Variants in HOOK2 observed in about 807,000 individuals in gnomAD.
HOOK2 encodes protein Hook homolog 2.
Under a neutral mutation model 111.9 loss-of-function variants are expected in HOOK2, and 108 were observed. That is an observed-to-expected ratio of 0.96 (90% confidence interval 0.83 to 1.13). HOOK2 has a LOEUF of 1.13. HOOK2 is among the 50% of genes most tolerant of loss of function. The pLI is 0.00. For synonymous variants in HOOK2, 405 were observed against 394.3 expected (o/e 1.03, Z -0.32); for missense variants, 978 against 951.3 (o/e 1.03, Z -0.37).
Position 12,771,448 on chromosome 19 carries a change from C to T in HOOK2, c.549G>A (p.Glu183=). ...GCTGTAATTCGTCCCCCTCCTCAGC[C>T]TCCTCACTTAGGAAATAGTACCTGC... ...QSRRYYFLSE[E]AEEGDELQQR... is the part of the protein sequence containing the mutation. Residue 183 remains glutamate, a synonymous_variant, in exon 8 of 23, where the codon GAG becomes GAA. Coordinates refer to ENST00000397668, the MANE Select transcript of HOOK2 (RefSeq NM_013312.3). The T allele has an allele frequency of 6.2e-7, 1 of 1,613,506 alleles. No homozygotes were observed. The highest frequency in any genetic ancestry group is 1.7e-5 in the Admixed American group (1 of 59,930).
At chr19:12,764,974 C>T in intron 19 of HOOK2, 25 bp downstream of exon 19, 4 of 1,614,106 alleles carry the variant, frequency 2.5e-6, no homozygotes, top group Non-Finnish European at 2.5e-6. Flanking sequence ...ATCTCCCCAC[C>T]CTCTGGTCAC....
chr19:12,767,522 G>A (rs1304940846), intron 13 of HOOK2, 58 bp from the exon 14 acceptor site: 35 of 1,402,318 alleles, frequency 2.5e-5, no homozygotes, highest in Admixed American at 3.4e-5. Context: ...CCGCCCCTAG[G>A]GTCTTCTTCC....
At position 12,766,200 on chromosome 19, in the gene HOOK2, A is replaced by G. The variant is rs764455214; in HGVS notation, c.1414T>C (p.Cys472Arg). The G allele has an allele frequency of 6.3e-7, 1 of 1,595,782 alleles. No individual in the cohort carries two copies. ...LRLQLENKRL[C>R]RQEAADRERQ... is the part of the protein sequence containing the mutation. ...TCCCGGTCGGCCGCCTCCTGCCTGC[A>G]CAGCCGCTTGTTCTCCAGCTGAAGC... The change falls in exon 15 of 23, where the codon TGC (cysteine) becomes CGC (arginine). Residue 472 changes from cysteine to arginine, a missense_variant. This residue lies in a region of HOOK2 where 388 missense variants were observed against 358.3 expected (regional missense o/e 1.08). Transcript: ENST00000397668.
At chr19:12,770,198 G>T in intron 10 of HOOK2, 116 bp from the exon 11 acceptor site, 1 of 886,354 alleles carries the variant, frequency 1.1e-6, no homozygotes, top group South Asian at 2.0e-5. Context: ...TGGGTTCAAG[G>T]TGAAGGGGTC....
chr19:12,763,226 T>C lies in HOOK2; in HGVS notation c.*56A>G, dbSNP rs1464906840. 6.4e-7 allele frequency: 1 copy of C among 1,567,534 alleles called. No individual in the cohort carries two copies. The highest frequency in any genetic ancestry group is 8.7e-7 in the Non-Finnish European group (1 of 1,150,522). On this transcript the variant is annotated 3_prime_UTR_variant, in exon 23 of 23. Coordinates refer to ENST00000397668, the MANE Select transcript of HOOK2 (RefSeq NM_013312.3). ...CTGAAGCCCAGTGCTGGGCGCCATG[T>C]GAGCTGGAGGAAGCCAGGGTGGGTG...
At chr19:12,775,941 A>G (rs529601674), upstream of HOOK2, among the ~76,000 whole-genome samples, 2,339 of 137,658 alleles carry the variant, frequency 0.017, 66 homozygotes, top group African/African-American at 0.065. Context: ...CAGTGGCGCA[A>G]TCTCGGCTCA....
rs781662708 is a variant in HOOK2, at chr19:12,774,894, G to GT, written c.48dup (p.Gln17ThrfsTer144). On this transcript the variant is annotated frameshift_variant, in exon 2 of 23. Coordinates refer to ENST00000397668, the MANE Select transcript of HOOK2 (RefSeq NM_013312.3). LOFTEE classifies it high-confidence loss of function. ...CAGGGAGACGGAACGTGGAACGTCT[G>GT]TAACTGAGGGGTAAAGGAAAGGACA... The GT allele has an allele frequency of 1.2e-6, 2 of 1,613,382 alleles. No homozygotes were observed. The highest frequency in any genetic ancestry group is 1.7e-6 in the Non-Finnish European group (2 of 1,179,554).
intron 10 of HOOK2, 145 bp downstream of exon 10, chr19:12,770,787 G>T: frequency 2.0e-6 from 2 of 978,982 alleles, no homozygotes; most frequent in South Asian, 1.7e-5. Context: ...GTAGGGCTCA[G>T]GGTGGCACTG....
rs1046922493 is a variant in HOOK2, at chr19:12,791,624, C to G, written n.42-17399G>C. 1 of 565,914 alleles carries G rather than the reference C, an allele frequency of 1.8e-6. No homozygotes were observed. Among genetic ancestry groups the G allele is most frequent in the African/African-American group, 2.0e-5 (1 of 49,940 alleles). The allele number at this position is 565,914 out of a possible 1,614,324, so 35.1% of individuals were successfully genotyped here. A position where few individuals can be genotyped will look rare whatever the true frequency, so the allele number is the denominator to read the frequency against. On this transcript the variant is annotated intron_variant and non_coding_transcript_variant, in intron 3 of 3. Coordinates refer to the HOOK2 transcript ENST00000589765. The surrounding 1 kb of genome is among the most constrained non-coding windows in gnomAD (Gnocchi z 7.0). ...TGACAGGGCTTTTGCGCACAGCTGCCGGCTGGCTGCTACCCGCCCGCGCCA... is the reference window on the plus strand; with the variant it reads ...TGACAGGGCTTTTGCGCACAGCTGCGGGCTGGCTGCTACCCGCCCGCGCCA...
At chr19:12,770,388 C>G (rs924169707) in intron 10 of HOOK2, among the ~76,000 whole-genome samples, 2 of 151,380 alleles carry the variant, frequency 1.3e-5, no homozygotes, top group African/African-American at 4.9e-5. Context: ...CCAAGGATAC[C>G]TTGGAGTCAT....
intron 11 of HOOK2, 121 bp from the exon 12 acceptor site, chr19:12,768,244 C>A (rs1321738519): frequency 1.7e-5 from 13 of 765,322 alleles, no homozygotes; most frequent in Non-Finnish European, 2.7e-5. Flanking sequence ...TACTATGGTG[C>A]TTTCAGCTGT....
rs774261511 is a variant in HOOK2 at position 12,772,875 on chromosome 19, T to A, written c.293A>T (p.Asp98Val). The A allele has an allele frequency of 6.2e-7, 1 of 1,614,194 alleles. No individual in the cohort carries two copies. Among genetic ancestry groups the A allele is most frequent in the Non-Finnish European group, 8.5e-7 (1 of 1,180,032 alleles). The change falls in exon 5 of 23, where the codon GAT becomes GTT. Residue 98 changes from aspartate (D) to valine (V), a missense_variant. This residue lies in a region of HOOK2 where 301 missense variants were observed against 286.1 expected (regional missense o/e 1.05). Coordinates refer to ENST00000397668, the MANE Select transcript of HOOK2 (RefSeq NM_013312.3). ...AHPVSEEHLP[D>V]VSLIGEFSDP... The stretch of plus-strand genomic sequence containing the variant: ...TGAGAACTCTCCAATGAGGCTCACA[T>A]CTGGGAGATGCTCTTCTGACACAGG...
rs527926047 is a variant in HOOK2 at position 12,791,855 on chromosome 19, T to C, written n.42-17630A>G. On this transcript the variant is annotated intron_variant and non_coding_transcript_variant, in intron 3 of 3. Coordinates refer to the HOOK2 transcript ENST00000589765. This position sits in a 1 kb window ranked among gnomAD's most constrained non-coding sequence, Gnocchi z 7.0. The stretch of plus-strand genomic sequence containing the variant: ...ACGGCCGGGCCCCTGGTGGCCTCTC[T>C]CTACACGACTACAAACTCCTGAAAC... The C allele has an allele frequency of 1.2e-6, 2 of 1,613,554 alleles. No homozygotes were observed. Among genetic ancestry groups the C allele is most frequent in the Non-Finnish European group, 1.7e-6 (2 of 1,179,886 alleles).
chr19:12,767,506 C>CT, intron 13 of HOOK2, 42 bp from the exon 14 acceptor site: 1 of 1,497,810 alleles, frequency 6.7e-7, no homozygotes, highest in Non-Finnish European at 9.3e-7. Flanking sequence ...TTCGCATCCC[C>CT]TGTCCCCGCC....
At chr19:12,792,342 G>A (rs12151069) in intron 3 of HOOK2, 1 of 1,538,034 alleles carries the variant, frequency 6.5e-7, no homozygotes, top group South Asian at 1.2e-5. Context: ...CTACTCCCCA[G>A]CCTCTGCGTC....
At chr19:12,772,142 G>T in intron 7 of HOOK2, 48 bp downstream of exon 7, 5 of 1,414,572 alleles carry the variant, frequency 3.5e-6, no homozygotes, top group Non-Finnish European at 5.0e-6. Flanking sequence ...CCGGCCTTTG[G>T]ATTTGCTGAT....
intron 1 of HOOK2, 52 bp downstream of exon 1, chr19:12,775,353 C>T: frequency 1.3e-6 from 2 of 1,593,676 alleles, no homozygotes; most frequent in Admixed American, 1.7e-5. Flanking sequence ...CCAGGGATCC[C>T]GGGCAAGAGG....
At chr19:12,789,611 G>T (rs1271486756) in intron 3 of HOOK2, among the ~76,000 whole-genome samples, 1 of 151,996 alleles carries the variant, frequency 6.6e-6, no homozygotes, top group Admixed American at 6.5e-5. Flanking sequence ...GGCAGCCGCC[G>T]TTCCAGCCCG....
intron 3 of HOOK2, chr19:12,792,143 AG>A (rs1425641451): frequency 1.9e-6 from 3 of 1,596,818 alleles, no homozygotes; most frequent in Admixed American, 1.8e-5. Context: ...CAGGGGGCGC[AG>A]GGGGCGGCGT....
Sources: gnomAD v4.1 joint callset for allele counts (sites outside exome capture counted in the v4.1 genomes callset) on GRCh38, gnomAD v4.1.1 for gene constraint, gnomAD v4.1.1 regional missense constraint, Gnocchi (gnomAD v3.1) non-coding constraint, MANE v1.5 for transcripts, NCBI Gene and HGNC (gene_info 2026-07-23, HGNC 2026-07-21) for gene names.